The following NKAIN3 variants were observed in gnomAD, a reference collection of about 807,000 sequenced individuals.
The protein encoded by NKAIN3 is sodium/potassium-transporting ATPase subunit beta-1-interacting protein 3.
NKAIN3 carries 25 observed loss-of-function variants against 30.2 expected under a neutral mutation model. That is an observed-to-expected ratio of 0.83 (90% CI 0.60 to 1.16). NKAIN3 has a LOEUF of 1.16. Among genes scored for constraint, NKAIN3 ranks in the 50% most tolerant of loss-of-function variants. The pLI is 0.00. For synonymous variants in NKAIN3, 91 were observed against 89.6 expected, an observed-to-expected ratio of 1.02 and a Z score of -0.09; for missense variants, 225 against 254.1, an observed-to-expected ratio of 0.89 and a Z score of 0.78.
rs188269433 is a variant in NKAIN3, at chr8:62,341,151, A to G, written c.54+92024A>G. On this transcript the variant is annotated intron_variant, in intron 1 of 6. Transcript: ENST00000623646. ...TAGCCATTAATTTGAGCTTTCAAAG[A>G]CAAGTTACACAAGTGACAATGGGGA... 1.6e-3 allele frequency among the ~76,000 whole-genome samples: 244 copies of G among 152,176 alleles called. 2 individuals carry two copies. Among genetic ancestry groups the G allele is most frequent in the Non-Finnish European group, 1.6e-4 (11 of 67,986 alleles).
chr8:62,271,176 G>A (rs369555517), intron 1 of NKAIN3, among the ~76,000 whole-genome samples: 1 of 152,154 alleles, frequency 6.6e-6, no homozygotes, highest in African/African-American at 2.4e-5. Flanking sequence ...ATTCTGCCAA[G>A]ATTGGAATGC....
chr8:62,663,417 G>T (rs1813003000), intron 3 of NKAIN3, among the ~76,000 whole-genome samples: 1 of 152,172 alleles, frequency 6.6e-6, no homozygotes, highest in African/African-American at 2.4e-5. Context: ...TGAGAGGTCA[G>T]GCATAAGAGA....
rs1420963757 is a variant in NKAIN3 at position 62,974,710 on chromosome 8, T to G, written c.*9303T>G. On this transcript the variant is annotated 3_prime_UTR_variant, in exon 7 of 7. Coordinates refer to ENST00000623646, the MANE Select transcript of NKAIN3 (RefSeq NM_001304533.3). The stretch of plus-strand genomic sequence containing the variant: ...CTTCTAATACTGTGTTGAATAGGAG[T>G]GGTGAGACAAGCCACCCTTGTCTTG... 6.6e-6 allele frequency among the ~76,000 whole-genome samples: 1 copy of G among 152,102 alleles called. No homozygotes were observed. Among genetic ancestry groups the G allele is most frequent in the African/African-American group, 2.4e-5 (1 of 41,410 alleles).
rs190802485 is a variant in NKAIN3, at chr8:62,728,378, C to T, written c.274-18554C>T. 3.5e-3 allele frequency among the ~76,000 whole-genome samples: 534 copies of T among 152,184 alleles called. 3 individuals are homozygous for T. Among genetic ancestry groups the T allele is most frequent in the Non-Finnish European group, 3.9e-3 (265 of 67,976 alleles). ...CGGACTTCAATTAAATTAAAAACTC[C>T]ATGGCCGGGTGCGGTGGCTCACACC... On this transcript the variant is annotated intron_variant, in intron 3 of 6. Coordinates refer to ENST00000623646, the MANE Select transcript of NKAIN3 (RefSeq NM_001304533.3).
Position 62,793,774 on chromosome 8 carries a change from T to C in NKAIN3, c.471+46645T>C, listed in dbSNP as rs113852547. Among the ~76,000 whole-genome samples, 589 of 152,266 alleles carry C rather than the reference T, an allele frequency of 3.9e-3. 4 individuals carry two copies. The highest frequency in any genetic ancestry group is 0.013 in the African/African-American group (560 of 41,546). On this transcript the variant is annotated intron_variant, in intron 4 of 6. Transcript: ENST00000623646. The stretch of plus-strand genomic sequence containing the variant: ...GAAAATCTAATCTCCAACATTGAAG[T>C]TTCAGCTCTAAGAACATCTAAGATA...
At chr8:62,852,645 T>A (rs1819944717) in intron 4 of NKAIN3, among the ~76,000 whole-genome samples, 1 of 152,202 alleles carries the variant, frequency 6.6e-6, no homozygotes, top group Non-Finnish European at 1.5e-5. Flanking sequence ...AAGATTCTGG[T>A]ATGTTGTGTC....
At chr8:62,348,976 A>C (rs940309181) in intron 1 of NKAIN3, among the ~76,000 whole-genome samples, 4 of 152,286 alleles carry the variant, frequency 2.6e-5, no homozygotes, top group African/African-American at 9.6e-5. Flanking sequence ...GGTTAGCAGA[A>C]ATGATGGTCC....
Position 62,403,821 on chromosome 8 carries a change from A to G in NKAIN3, c.54+154694A>G, listed in dbSNP as rs539600933. Among the ~76,000 whole-genome samples, 30 of 152,328 alleles carry G rather than the reference A, an allele frequency of 2.0e-4. No homozygotes were observed. The South Asian group carries it at 3.5e-3, about 18-fold the overall frequency. ...GGCACTGCCTGGTGTAGCTGTAAGAAGAAGGCCACTGTCTTCCAGACCCCA... is the reference window on the plus strand; with the variant it reads ...GGCACTGCCTGGTGTAGCTGTAAGAGGAAGGCCACTGTCTTCCAGACCCCA... On this transcript the variant is annotated intron_variant, in intron 1 of 6. Coordinates refer to ENST00000623646, the MANE Select transcript of NKAIN3 (RefSeq NM_001304533.3).
chr8:62,806,773 G>A (rs919016828), intron 4 of NKAIN3, among the ~76,000 whole-genome samples: 16 of 151,478 alleles, frequency 1.1e-4, no homozygotes, highest in Non-Finnish European at 1.6e-4. Context: ...CCTTCACTTT[G>A]TGCACATGTA....
chr8:62,417,765 G>A (rs1804495678), intron 1 of NKAIN3, among the ~76,000 whole-genome samples: 1 of 151,824 alleles, frequency 6.6e-6, no homozygotes, highest in African/African-American at 2.4e-5. Context: ...CCATTTATTT[G>A]TCTTTTTTTT....
At chr8:62,742,622 T>C (rs1240551380) in intron 3 of NKAIN3, among the ~76,000 whole-genome samples, 3 of 152,230 alleles carry the variant, frequency 2.0e-5, no homozygotes, top group Non-Finnish European at 2.9e-5. Flanking sequence ...ACACCAGTTG[T>C]ATCAGTTGTC....
intron 4 of NKAIN3, among the ~76,000 whole-genome samples, chr8:62,838,502 ATTATC>A (rs1382396933): frequency 1.3e-5 from 2 of 151,996 alleles, no homozygotes; most frequent in African/African-American, 4.8e-5. Flanking sequence ...TAACTCTCAA[ATTATC>A]TTATAATTGT....
At chr8:62,506,850 A>G (rs973965589) in intron 1 of NKAIN3, among the ~76,000 whole-genome samples, 1 of 152,050 alleles carries the variant, frequency 6.6e-6, no homozygotes, top group Non-Finnish European at 1.5e-5. Flanking sequence ...TTGCTCCTTT[A>G]CAGAGAACAT....
At chr8:62,312,584 GAGTC>G (rs1814480079) in intron 1 of NKAIN3, among the ~76,000 whole-genome samples, 1 of 147,250 alleles carries the variant, frequency 6.8e-6, no homozygotes, top group Admixed American at 6.6e-5. Flanking sequence ...TTGGAAAACT[GAGTC>G]AGGAAGATCT....
At chr8:62,593,981 GC>G (rs1436805376) in intron 3 of NKAIN3, among the ~76,000 whole-genome samples, 3 of 151,950 alleles carry the variant, frequency 2.0e-5, no homozygotes, top group African/African-American at 7.2e-5. Flanking sequence ...CATCCCTGGA[GC>G]TTTAACTCCC....
At chr8:62,942,946 T>C (rs1241871315) in intron 5 of NKAIN3, among the ~76,000 whole-genome samples, 1 of 152,068 alleles carries the variant, frequency 6.6e-6, no homozygotes, top group Non-Finnish European at 1.5e-5. Context: ...AGGATAATAT[T>C]GGAAAAACCC....
intron 4 of NKAIN3, among the ~76,000 whole-genome samples, chr8:62,774,638 C>T (rs576664839): frequency 2.6e-5 from 4 of 152,206 alleles, no homozygotes; most frequent in East Asian, 3.9e-4. Flanking sequence ...TTATAGAATG[C>T]TTTCTCAGCA....
chr8:62,502,271 A>G (rs759293812), intron 1 of NKAIN3, among the ~76,000 whole-genome samples: 3 of 152,014 alleles, frequency 2.0e-5, no homozygotes, highest in Non-Finnish European at 4.4e-5. Context: ...TCTTCCAGTC[A>G]TTGCTAAATG....
At chr8:62,532,127 C>T (rs7812508) in intron 1 of NKAIN3, among the ~76,000 whole-genome samples, 6,720 of 152,192 alleles carry the variant, frequency 0.044, 497 homozygotes, top group African/African-American at 0.15. Flanking sequence ...TGAACATGCT[C>T]ATTTTAGTCA....
Sources: gnomAD v4.1 joint callset for allele counts (sites outside exome capture counted in the v4.1 genomes callset) on GRCh38, gnomAD v4.1.1 for gene constraint, MANE v1.5 for transcripts, NCBI Gene and HGNC (gene_info 2026-07-23, HGNC 2026-07-21) for gene names.